Variants in SNAP91 observed in about 807,000 individuals in gnomAD.
SNAP91 encodes the protein clathrin coat assembly protein AP180.
A neutral mutation model predicts 100.3 loss-of-function variants in SNAP91; 27 were observed. The observed-to-expected ratio is 0.27, with a 90% confidence interval of 0.20 to 0.37. The LOEUF is 0.37. Ranked by LOEUF, SNAP91 falls within the 10% of genes least tolerant of loss-of-function variation. The pLI is 1.00. For synonymous variants in SNAP91, 404 were observed against 398.6 expected, an observed-to-expected ratio of 1.01 and a Z score of -0.16; for missense variants, 986 against 1,123.7, an observed-to-expected ratio of 0.88 and a Z score of 1.75.
intron 2 of SNAP91, among the ~76,000 whole-genome samples, chr6:83,706,681 G>A (rs1023017657): frequency 6.6e-6 from 1 of 152,182 alleles, no homozygotes; most frequent in Admixed American, 6.5e-5. Flanking sequence ...AAAGGAAATA[G>A]CAGGAAAAAG....
intron 9 of SNAP91, among the ~76,000 whole-genome samples, chr6:83,617,369 T>C (rs1317368798): frequency 1.3e-5 from 2 of 151,932 alleles, no homozygotes; most frequent in Non-Finnish European, 2.9e-5. Context: ...CATAAGACCA[T>C]AGTAAAAATG....
chr6:83,628,498 C>T (rs1207917809), intron 8 of SNAP91, among the ~76,000 whole-genome samples: 1 of 151,558 alleles, frequency 6.6e-6, no homozygotes, highest in Non-Finnish European at 1.5e-5. Flanking sequence ...GTTCCCTGAT[C>T]ACCACATCCA....
At chr6:83,610,592 G>T in intron 12 of SNAP91, 58 bp downstream of exon 12, 1 of 576,598 alleles carries the variant, frequency 1.7e-6, no homozygotes, top group South Asian at 2.4e-5. Context: ...TACACTTTAT[G>T]ATGGTAAAAT....
chr6:83,612,252 C>T (rs1395975423), intron 11 of SNAP91, among the ~76,000 whole-genome samples: 7 of 151,946 alleles, frequency 4.6e-5, no homozygotes, highest in African/African-American at 9.7e-5. Flanking sequence ...CTATACTGTC[C>T]GTGTCAAAGG....
chr6:83,667,651 T>C (rs1419304273), intron 2 of SNAP91, among the ~76,000 whole-genome samples: 1 of 152,042 alleles, frequency 6.6e-6, no homozygotes, highest in African/African-American at 2.4e-5. Context: ...TATTTTTTTA[T>C]TATACTTTAA....
chr6:83,677,020 C>G (rs925841663), intron 2 of SNAP91, among the ~76,000 whole-genome samples: 2 of 152,132 alleles, frequency 1.3e-5, no homozygotes, highest in African/African-American at 4.8e-5. Flanking sequence ...AACAACTGGA[C>G]AAAATACCTC....
intron 27 of SNAP91, 97 bp from the exon 28 acceptor site, chr6:83,560,305 T>C (rs1331335925): frequency 1.2e-6 from 1 of 830,560 alleles, no homozygotes; most frequent in African/African-American, 1.7e-5. Flanking sequence ...TGACAATATT[T>C]GAGGAATCCA....
At chr6:83,603,686 TA>T (rs1477719985) in intron 14 of SNAP91, among the ~76,000 whole-genome samples, 1 of 151,980 alleles carries the variant, frequency 6.6e-6, no homozygotes, top group Non-Finnish European at 1.5e-5. Flanking sequence ...TTAGAAAAAG[TA>T]AAGCATCTCT....
At chr6:83,604,479 T>A (rs747830083) in intron 14 of SNAP91, among the ~76,000 whole-genome samples, 1 of 152,170 alleles carries the variant, frequency 6.6e-6, no homozygotes, top group Non-Finnish European at 1.5e-5. Context: ...TCAGAACTGG[T>A]TATCTTTCTC....
At chr6:83,656,685 A>T (rs116871961) in intron 7 of SNAP91, 69 bp downstream of exon 7, 6,661 of 651,692 alleles carry the variant, frequency 0.01, 68 homozygotes, top group Non-Finnish European at 0.013. Context: ...CAACAGACTC[A>T]CCCCACAGAA....
rs77489728 is a variant in SNAP91 at position 83,649,039 on chromosome 6, G to A, written c.658+7715C>T. ...CTTGTTTTCTTCTAGAAGCTTTTTAGTTTTAACTTTTATATTTAGGCCAAT... is the reference window on the plus strand; with the variant it reads ...CTTGTTTTCTTCTAGAAGCTTTTTAATTTTAACTTTTATATTTAGGCCAAT... On this transcript the variant is annotated intron_variant, in intron 7 of 29. Transcript: ENST00000369694. Among the ~76,000 whole-genome samples, 1,424 of 152,182 alleles carry A rather than the reference G, an allele frequency of 9.4e-3. 23 individuals carry two copies. The highest frequency in any genetic ancestry group is 0.032 in the African/African-American group (1,330 of 41,522).
intron 2 of SNAP91, among the ~76,000 whole-genome samples, chr6:83,673,641 A>G (rs530447754): frequency 2.0e-5 from 3 of 152,348 alleles, no homozygotes; most frequent in Non-Finnish European, 2.9e-5. Flanking sequence ...AGACAATACG[A>G]AAAAGTGATA....
At chr6:83,557,471 C>A (rs1476497898) in intron 28 of SNAP91, among the ~76,000 whole-genome samples, 1 of 151,744 alleles carries the variant, frequency 6.6e-6, no homozygotes, top group Non-Finnish European at 1.5e-5. Context: ...AGTTCGAGGC[C>A]ACCCTGGGCA....
chr6:83,608,681 T>C (rs1230782815), intron 12 of SNAP91, among the ~76,000 whole-genome samples: 1 of 152,002 alleles, frequency 6.6e-6, no homozygotes, highest in Admixed American at 6.6e-5. Context: ...TAAAGGAAGT[T>C]TTAAAAAGAA....
intron 2 of SNAP91, among the ~76,000 whole-genome samples, chr6:83,672,003 CT>C (rs2098794315): frequency 1.3e-5 from 2 of 152,040 alleles, no homozygotes; most frequent in African/African-American, 4.8e-5. Context: ...TCAAAACCCC[CT>C]GGGGCCTACT....
At chr6:83,657,642 G>C (rs1314376689) in intron 6 of SNAP91, among the ~76,000 whole-genome samples, 2 of 152,124 alleles carry the variant, frequency 1.3e-5, no homozygotes, top group Admixed American at 1.3e-4. Flanking sequence ...TAACAGAGAT[G>C]CTAAGTTACT....
intron 2 of SNAP91, among the ~76,000 whole-genome samples, chr6:83,672,779 TAGAA>T (rs920815157): frequency 6.6e-6 from 1 of 152,178 alleles, no homozygotes; most frequent in Non-Finnish European, 1.5e-5. Flanking sequence ...ATCAACAAAT[TAGAA>T]AGAGTTACTT....
chr6:83,596,204 AG>A (rs1459397306), intron 16 of SNAP91, among the ~76,000 whole-genome samples: 1 of 152,178 alleles, frequency 6.6e-6, no homozygotes, highest in Non-Finnish European at 1.5e-5. Flanking sequence ...ACAGGCCTAC[AG>A]CACTATGCCC....
At chr6:83,707,987 T>G in intron 1 of SNAP91, 30 bp from the exon 2 acceptor site, 1 of 1,511,938 alleles carries the variant, frequency 6.6e-7, no homozygotes, top group South Asian at 1.3e-5. Flanking sequence ...ACGGTCCGGC[T>G]TTAATCCGCA....
Sources: allele counts gnomAD v4.1 joint callset (sites outside exome capture counted in the v4.1 genomes callset), GRCh38; gene constraint gnomAD v4.1.1; transcripts MANE v1.5; gene names NCBI Gene and HGNC (gene_info 2026-07-23, HGNC 2026-07-21).